RASL12: variants seen among roughly 807,000 people sequenced by gnomAD.
RASL12 encodes the protein RAS like family 12.
In RASL12, 16 loss-of-function variants were observed where a neutral mutation model predicts 22.9. The observed-to-expected ratio is 0.70, with a 90% CI of 0.47 to 1.06. The LOEUF (loss-of-function observed/expected upper bound fraction) is 1.06, where lower values mean the gene tolerates loss of function less well. Among genes scored for constraint, RASL12 ranks in the 50% least tolerant of loss-of-function variants. The pLI is 0.00. For missense variants in RASL12, 306 were observed against 353.1 expected, an observed-to-expected ratio of 0.87 and a Z score of 1.07; for synonymous variants, 159 against 152.2, an observed-to-expected ratio of 1.04 and a Z score of -0.33.
In RASL12 at chr15:65,065,308, G is replaced by A. The variant is rs181015699; in HGVS notation, c.104-35C>T. On this transcript the variant is annotated intron_variant, in intron 1 of 4. Coordinates refer to ENST00000220062, the MANE Select transcript of RASL12 (RefSeq NM_016563.4). ...GCAGAAAGAGGTTGGCTCCATCTCC[G>A]CGGCCATGTCTAGCTGCTGGCCCCT... 3.4e-5 allele frequency: 55 copies of A among 1,597,422 alleles called. No individual in the cohort carries two copies. The Admixed American group carries it at 4.4e-4, about 13-fold the overall frequency.
intron 2 of RASL12, 37 bp from the exon 3 acceptor site, chr15:65,059,455 C>A (rs1474813869): frequency 6.5e-7 from 1 of 1,544,526 alleles, no homozygotes; most frequent in Non-Finnish European, 8.9e-7. Context: ...AGACACAGTG[C>A]CTTGGGTGTA....
intron 4 of RASL12, among the ~76,000 whole-genome samples, chr15:65,055,602 C>T (rs146888617): frequency 6.6e-6 from 1 of 152,204 alleles, no homozygotes; most frequent in Non-Finnish European, 1.5e-5. Context: ...CTATGCTAGA[C>T]CCTGCCTGTG....
downstream of RASL12, chr15:65,051,726 A>G: frequency 1.2e-6 from 1 of 819,796 alleles, no homozygotes; most frequent in Non-Finnish European, 2.0e-6. Flanking sequence ...TGGGACAGCA[A>G]AATTCAGCCT....
intron 1 of RASL12, among the ~76,000 whole-genome samples, chr15:65,067,477 T>C (rs1455437692): frequency 6.7e-6 from 1 of 149,222 alleles, no homozygotes; most frequent in Non-Finnish European, 1.5e-5. Flanking sequence ...ACAGAGACAG[T>C]GGGAAGACAC....
chr15:65,055,106 G>A lies in RASL12; in HGVS notation c.594C>T (p.Ile198=). 6.2e-7 allele frequency: 1 copy of A among 1,611,324 alleles called. No individual in the cohort carries two copies. Among genetic ancestry groups the A allele is most frequent in the Non-Finnish European group, 8.5e-7 (1 of 1,179,050 alleles). The change falls in exon 5 of 5, where the codon ATC becomes ATT. Residue 198 remains isoleucine, a synonymous_variant. Coordinates refer to ENST00000220062, the MANE Select transcript of RASL12 (RefSeq NM_016563.4). ...EKSPLTRPLF[I]SEERALPHQA... is the part of the protein sequence containing the mutation. ...GGTGGGGCAGGGCCCTCTCCTCGGA[G>A]ATGAAGAGGGGCCGGGTCAGGGGGC...
chr15:65,067,674 G>C (rs1253275787), intron 1 of RASL12, 59 bp downstream of exon 1: 2 of 1,489,886 alleles, frequency 1.3e-6, no homozygotes, highest in Non-Finnish European at 1.8e-6. Context: ...ACAGCCCACT[G>C]TCCCCCCACC....
chr15:65,046,316 C>T, the RASL12 span, among the ~76,000 whole-genome samples: 1 of 148,660 alleles, frequency 6.7e-6, no homozygotes, highest in Non-Finnish European at 1.5e-5. Flanking sequence ...TAAATAAATA[C>T]AAAATTAGCT....
intron 1 of RASL12, among the ~76,000 whole-genome samples, chr15:65,075,788 A>C (rs1051704598): frequency 1.3e-5 from 2 of 151,906 alleles, no homozygotes; most frequent in Non-Finnish European, 2.9e-5. Context: ...TGAGTGCACC[A>C]ATCAACACTC....
intron 1 of RASL12, among the ~76,000 whole-genome samples, chr15:65,074,162 T>C (rs1304866371): frequency 7.3e-6 from 1 of 137,392 alleles, no homozygotes; most frequent in Admixed American, 7.3e-5. Context: ...ACCCTGGTCC[T>C]GTACCCCAGC....
downstream of RASL12, among the ~76,000 whole-genome samples, chr15:65,052,804 C>A (rs1363328101): frequency 6.6e-6 from 1 of 152,134 alleles, no homozygotes; most frequent in Admixed American, 6.6e-5. Flanking sequence ...AAGGGTAAGC[C>A]ATTTCTCTGT....
chr15:65,059,067 C>A (rs1026316712), intron 3 of RASL12, among the ~76,000 whole-genome samples: 16 of 152,242 alleles, frequency 1.1e-4, no homozygotes, highest in Non-Finnish European at 5.9e-5. Context: ...CAGGTGTGCA[C>A]CTGTCTCCTC....
At chr15:65,058,702 C>G (rs1002910105) in intron 3 of RASL12, 85 bp from the exon 4 acceptor site, 2 of 983,880 alleles carry the variant, frequency 2.0e-6, no homozygotes, top group Non-Finnish European at 2.8e-6. Context: ...CCCACCTCCC[C>G]ACTCCCCGGT....
At chr15:65,050,169 A>G (rs1422758343), downstream of RASL12, 1 of 1,279,402 alleles carries the variant, frequency 7.8e-7, no homozygotes, top group Non-Finnish European at 1.1e-6. Context: ...GTTTGGCTGA[A>G]GGTCCTGACA....
chr15:65,075,816 G>A (rs2086963865), intron 1 of RASL12, among the ~76,000 whole-genome samples: 1 of 151,880 alleles, frequency 6.6e-6, no homozygotes, highest in Admixed American at 6.5e-5. Context: ...AGCTGCTCTG[G>A]TGGGGCCTTG....
chr15:65,047,547 AC>A, the RASL12 span, among the ~76,000 whole-genome samples: 101 of 152,144 alleles, frequency 6.6e-4, no homozygotes, highest in African/African-American at 1.3e-3. Flanking sequence ...CAACTTCAAT[AC>A]TTTTCTTTGT....
intron 2 of RASL12, among the ~76,000 whole-genome samples, chr15:65,061,194 G>A (rs1248628971): frequency 6.6e-6 from 1 of 152,156 alleles, no homozygotes; most frequent in African/African-American, 2.4e-5. Context: ...GAGATGGCAA[G>A]GTGAGGCCCA....
At chr15:65,071,598 C>A (rs775429944), upstream of RASL12, among the ~76,000 whole-genome samples, 2 of 152,094 alleles carry the variant, frequency 1.3e-5, no homozygotes, top group Admixed American at 6.5e-5. Context: ...TGCCCGAGCC[C>A]CAGCCCACTC....
At chr15:65,063,108 G>A (rs938881369) in intron 2 of RASL12, among the ~76,000 whole-genome samples, 9 of 152,204 alleles carry the variant, frequency 5.9e-5, no homozygotes, top group African/African-American at 1.9e-4. Context: ...AGGCTCATCC[G>A]GTGGCACCCT....
chr15:65,054,971 C>T lies in RASL12; in HGVS notation c.729G>A (p.Val243=), dbSNP rs1396366971. The T allele has an allele frequency of 6.2e-7, 1 of 1,614,196 alleles. No individual in the cohort carries two copies. The highest frequency in any genetic ancestry group is 1.1e-5 in the South Asian group (1 of 91,078). Residue 243 remains valine, a synonymous_variant, in exon 5 of 5, where the codon GTG becomes GTA. Transcript: ENST00000220062. ...GCTTGCTCTGGGCCCGGGATGACTT[C>T]ACGGTGACCAGCTTGGCCTGGGCCA... The part of the protein sequence containing the change: ...PTVAQAKLVT[V]KSSRAQSKRK...
Sources: gnomAD v4.1 joint callset for allele counts (sites outside exome capture counted in the v4.1 genomes callset) on GRCh38, gnomAD v4.1.1 for gene constraint, MANE v1.5 for transcripts, NCBI Gene and HGNC (gene_info 2026-07-23, HGNC 2026-07-21) for gene names.